RALYL: variants seen among roughly 807,000 people sequenced by gnomAD.
The protein encoded by RALYL is RALY RNA binding protein like.
A neutral mutation model predicts 35.1 loss-of-function variants in RALYL; 29 were observed. The observed-to-expected ratio is 0.83, with a 90% CI of 0.61 to 1.13. The LOEUF (loss-of-function observed/expected upper bound fraction) is 1.13, where lower values mean the gene tolerates loss of function less well. RALYL is among the 50% of genes most tolerant of loss of function. The probability of loss-of-function intolerance (pLI) is 0.00; values close to 1 mark genes in which losing one functional copy is unlikely to be tolerated. For synonymous variants in RALYL, 120 were observed against 127.6 expected, an observed-to-expected ratio of 0.94 and a Z score of 0.40; for missense variants, 359 against 360.4, an observed-to-expected ratio of 1.00 and a Z score of 0.03.
At chr8:84,877,179 C>CGTT (rs1841308554) in intron 7 of RALYL, among the ~76,000 whole-genome samples, 1 of 152,100 alleles carries the variant, frequency 6.6e-6, no homozygotes, top group Admixed American at 6.6e-5. Flanking sequence ...TGTGATACAA[C>CGTT]AGTCAATTAA....
At chr8:84,754,518 A>G (rs1810909244) in intron 2 of RALYL, among the ~76,000 whole-genome samples, 1 of 152,224 alleles carries the variant, frequency 6.6e-6, no homozygotes, top group Admixed American at 6.5e-5. Context: ...AAGATTAAGT[A>G]TAAATGCAAT....
intron 2 of RALYL, among the ~76,000 whole-genome samples, chr8:84,694,589 A>G (rs1838758282): frequency 6.6e-6 from 1 of 151,912 alleles, no homozygotes; most frequent in South Asian, 2.1e-4. Flanking sequence ...TTCTCCACAG[A>G]AATAGAAAAA....
intron 8 of RALYL, among the ~76,000 whole-genome samples, chr8:84,895,251 T>A (rs1844546495): frequency 6.6e-6 from 1 of 151,968 alleles, no homozygotes; most frequent in Admixed American, 6.6e-5. Flanking sequence ...ATCAGTACCA[T>A]TATTTGGATG....
intron 2 of RALYL, among the ~76,000 whole-genome samples, chr8:84,771,467 T>A (rs1815508796): frequency 6.6e-6 from 1 of 152,122 alleles, no homozygotes; most frequent in Admixed American, 6.5e-5. Flanking sequence ...TAGAAACTGA[T>A]GAATTATTTT....
intron 1 of RALYL, among the ~76,000 whole-genome samples, chr8:84,498,064 A>G (rs1018212011): frequency 6.6e-6 from 1 of 151,868 alleles, no homozygotes; most frequent in African/African-American, 2.4e-5. Flanking sequence ...GATTGAACCC[A>G]TCACTAAGGT....
At chr8:84,194,110 T>G (rs1236246403) in intron 1 of RALYL, among the ~76,000 whole-genome samples, 2 of 152,172 alleles carry the variant, frequency 1.3e-5, no homozygotes, top group Non-Finnish European at 1.5e-5. Flanking sequence ...CATCGTCAAA[T>G]GGTGAATAAA....
intron 3 of RALYL, among the ~76,000 whole-genome samples, chr8:84,798,401 A>G (rs1347961930): frequency 6.6e-6 from 1 of 152,194 alleles, no homozygotes; most frequent in East Asian, 1.9e-4. Flanking sequence ...TAAGTTATTT[A>G]GTTATCTAAT....
At chr8:84,363,941 A>G (rs1586615031) in intron 1 of RALYL, among the ~76,000 whole-genome samples, 1 of 152,154 alleles carries the variant, frequency 6.6e-6, no homozygotes, top group East Asian at 1.9e-4. Context: ...TGATTTATAT[A>G]CTGTAGTAGC....
At chr8:84,830,859 A>G (rs1830774575) in intron 4 of RALYL, among the ~76,000 whole-genome samples, 1 of 152,272 alleles carries the variant, frequency 6.6e-6, no homozygotes, top group Admixed American at 6.5e-5. Context: ...TCTAAGAAAC[A>G]TTTATAGATT....
chr8:84,540,127 C>G (rs1281696529), intron 2 of RALYL, among the ~76,000 whole-genome samples: 1 of 151,512 alleles, frequency 6.6e-6, no homozygotes, highest in South Asian at 2.1e-4. Flanking sequence ...GATTTTTAAA[C>G]CAGTGTATGT....
intron 2 of RALYL, among the ~76,000 whole-genome samples, chr8:84,694,753 G>A (rs1217187246): frequency 3.3e-5 from 5 of 151,758 alleles, no homozygotes; most frequent in Admixed American, 3.3e-4. Context: ...TCATAAAAAC[G>A]GACACATTTG....
At chr8:84,240,058 A>G (rs1055148949) in intron 1 of RALYL, among the ~76,000 whole-genome samples, 3 of 152,206 alleles carry the variant, frequency 2.0e-5, no homozygotes, top group Admixed American at 6.5e-5. Flanking sequence ...TTGTGGAAGA[A>G]TCAGTGATAG....
At chr8:84,732,103 G>T (rs773537093) in intron 2 of RALYL, among the ~76,000 whole-genome samples, 1 of 152,060 alleles carries the variant, frequency 6.6e-6, no homozygotes, top group Non-Finnish European at 1.5e-5. Flanking sequence ...ATGGCTCTGT[G>T]CTTTTCCTGT....
intron 8 of RALYL, among the ~76,000 whole-genome samples, chr8:84,888,323 C>T (rs1843244743): frequency 6.6e-6 from 1 of 152,174 alleles, no homozygotes; most frequent in African/African-American, 2.4e-5. Context: ...TGCTTCTTTA[C>T]AAGTTGTATT....
intron 1 of RALYL, among the ~76,000 whole-genome samples, chr8:84,417,635 G>A (rs970188902): frequency 6.6e-6 from 1 of 151,734 alleles, no homozygotes; most frequent in African/African-American, 2.4e-5. Flanking sequence ...CACTACAATG[G>A]GAAATAACTG....
chr8:84,901,063 G>C (rs959874295), intron 8 of RALYL, among the ~76,000 whole-genome samples: 2 of 152,088 alleles, frequency 1.3e-5, no homozygotes, highest in African/African-American at 4.8e-5. Context: ...GAGAGATAGA[G>C]GTTGCTTCTT....
rs1163647360 is a variant in RALYL at position 84,621,620 on chromosome 8, C to T, written c.256+92043C>T. 5.9e-5 allele frequency among the ~76,000 whole-genome samples: 9 copies of T among 152,298 alleles called. No individual in the cohort carries two copies. In the East Asian group the frequency reaches 1.4e-3, roughly 23 times the overall value. ...TCCTATTCAGCCATCTTGGCTCCTC[C>T]CCCGACTATAGAACTTTCATACAGT... On this transcript the variant is annotated intron_variant, in intron 2 of 8. Coordinates refer to ENST00000521268, the MANE Select transcript of RALYL (RefSeq NM_173848.7).
At chr8:84,435,985 G>C (rs1587239019) in intron 1 of RALYL, among the ~76,000 whole-genome samples, 1 of 152,044 alleles carries the variant, frequency 6.6e-6, no homozygotes, top group African/African-American at 2.4e-5. Context: ...ACTTCACATA[G>C]GGTACAGTGT....
intron 1 of RALYL, among the ~76,000 whole-genome samples, chr8:84,335,160 C>T (rs147706938): frequency 1.5e-3 from 232 of 152,232 alleles, no homozygotes; most frequent in African/African-American, 5.2e-3. Flanking sequence ...TCAAAGAATA[C>T]TCTAGTGGAA....
Sources: gnomAD v4.1 joint callset for allele counts (sites outside exome capture counted in the v4.1 genomes callset) on GRCh38, gnomAD v4.1.1 for gene constraint, MANE v1.5 for transcripts, NCBI Gene and HGNC (gene_info 2026-07-23, HGNC 2026-07-21) for gene names.